The following CANX variants were observed in gnomAD, a reference collection of about 807,000 sequenced individuals.
CANX encodes calnexin, also known as epididymis secretory sperm binding protein.
A neutral mutation model predicts 75.7 loss-of-function variants in CANX; 14 were observed. The ratio of observed to expected loss-of-function variants is 0.19; its 90% CI spans 0.12 to 0.29. The LOEUF (loss-of-function observed/expected upper bound fraction) is 0.29. CANX is among the 10% of genes least tolerant of loss of function. The pLI, the probability that CANX is intolerant of heterozygous loss-of-function variation, is 1.00. For missense variants in CANX, 567 were observed against 713.2 expected (o/e 0.79, Z 2.34); for synonymous variants, 227 against 236.9 (o/e 0.96, Z 0.38).
intron 2 of CANX, among the ~76,000 whole-genome samples, 197 bp downstream of exon 2, chr5:179,706,049 G>A (rs984267231): frequency 2.2e-4 from 34 of 152,194 alleles, no homozygotes; most frequent in Middle Eastern, 3.4e-3. Flanking sequence ...AATTTGGAAC[G>A]TTTTCAAAGG....
At chr5:179,678,732 T>C (rs1303980021) in exon 1 of CANX, 2 of 1,537,026 alleles carry the variant, frequency 1.3e-6, no homozygotes, top group Non-Finnish European at 1.7e-6. Context: ...ATGCGCGCCA[T>C]GGTCTCAGTC....
At chr5:179,709,541 T>G (rs1459108352) in intron 6 of CANX, among the ~76,000 whole-genome samples, 1 of 152,254 alleles carries the variant, frequency 6.6e-6, no homozygotes, top group Non-Finnish European at 1.5e-5. Flanking sequence ...GAAGTGTAAA[T>G]TACAAAGTTG....
At chr5:179,694,740 G>A (rs1776360108), upstream of CANX, 3 of 666,116 alleles carry the variant, frequency 4.5e-6, no homozygotes, top group South Asian at 3.1e-5. Flanking sequence ...AGATGAAGAC[G>A]AGGAGGAGAT....
chr5:179,729,812 G>A lies in CANX; in HGVS notation c.*1168G>A, dbSNP rs1304717040. On this transcript the variant is annotated 3_prime_UTR_variant, in exon 15 of 15. Coordinates refer to ENST00000247461, the MANE Select transcript of CANX (RefSeq NM_001746.4). ...TCTAATTCACAGGCAAACCAATACA[G>A]AATTGACTGCAGTTGAACAGACTAG... The A allele has an allele frequency of 1.3e-5, 2 of 152,584 alleles. No individual in the cohort carries two copies. The highest frequency in any genetic ancestry group is 3.8e-4 in the East Asian group (2 of 5,196). The allele number at this position is 152,584 out of a possible 1,614,324, so 9.5% of individuals were successfully genotyped here. A position where few individuals can be genotyped will look rare whatever the true frequency, so the allele number is the denominator to read the frequency against.
chr5:179,702,200 C>T (rs907154176), intron 1 of CANX, among the ~76,000 whole-genome samples: 1 of 151,702 alleles, frequency 6.6e-6, no homozygotes, highest in African/African-American at 2.4e-5. Context: ...GATGACGCTA[C>T]ACTCAGCTAA....
chr5:179,723,081 G>C (rs1181125994), intron 11 of CANX, 62 bp downstream of exon 11: 2 of 1,449,676 alleles, frequency 1.4e-6, no homozygotes, highest in Non-Finnish European at 1.9e-6. Context: ...TTTTGTGAAA[G>C]TCTGTGTTAA....
intron 7 of CANX, among the ~76,000 whole-genome samples, chr5:179,714,002 CTTTT>C (rs1415388592): frequency 3.3e-5 from 5 of 151,786 alleles, no homozygotes; most frequent in Non-Finnish European, 7.4e-5. Flanking sequence ...TTGTTTTGTT[CTTTT>C]TGTTTTTTTG....
At chr5:179,681,128 C>T (rs984377011) in intron 1 of CANX, among the ~76,000 whole-genome samples, 1 of 152,132 alleles carries the variant, frequency 6.6e-6, no homozygotes, top group Admixed American at 6.6e-5. Flanking sequence ...GGGTGCTGAC[C>T]GCTGAGCTGT....
At chr5:179,712,422 CCTT>C (rs60818114) in intron 7 of CANX, among the ~76,000 whole-genome samples, 5,112 of 151,250 alleles carry the variant, frequency 0.034, 124 homozygotes, top group African/African-American at 0.042. Context: ...AATATAATAA[CCTT>C]TTTTTTTTTT....
At chr5:179,712,426 T>G (rs1777633310) in intron 7 of CANX, among the ~76,000 whole-genome samples, 1 of 141,634 alleles carries the variant, frequency 7.1e-6, no homozygotes. Flanking sequence ...TAATAACCTT[T>G]TTTTTTTTTG....
chr5:179,731,307 T>C lies in CANX; in HGVS notation c.*2663T>C, dbSNP rs993642959. Among the ~76,000 whole-genome samples the C allele has an allele frequency of 1.3e-5, 2 of 152,250 alleles. No individual in the cohort carries two copies. The highest frequency in any genetic ancestry group is 2.4e-5 in the African/African-American group (1 of 41,476). On this transcript the variant is annotated 3_prime_UTR_variant, in exon 15 of 15. Coordinates refer to ENST00000247461, the MANE Select transcript of CANX (RefSeq NM_001746.4). ...GAATCAGACTCCATTATTTTACATATACTTAAATACTTTAGGGGTATTTTT... is the reference window on the plus strand; with the variant it reads ...GAATCAGACTCCATTATTTTACATACACTTAAATACTTTAGGGGTATTTTT...
chr5:179,679,255 A>C (rs763511087), intron 1 of CANX: 4 of 1,524,828 alleles, frequency 2.6e-6, no homozygotes, highest in Non-Finnish European at 2.6e-6. Context: ...AAGGCGAGCC[A>C]GGGGGCGCTG....
chr5:179,679,958 C>CTTT lies in CANX; in HGVS notation c.-4+1205_-4+1207dup, dbSNP rs34916199. Among the ~76,000 whole-genome samples the CTTT allele has an allele frequency of 8.3e-4, 49 of 59,374 alleles. 3 individuals are homozygous for CTTT. The highest frequency in any genetic ancestry group is 1.6e-3 in the African/African-American group (25 of 15,770). The allele number at this position is 59,374 out of a possible 152,430, so 39.0% of individuals were successfully genotyped here. A position where few individuals can be genotyped will look rare whatever the true frequency, so the allele number is the denominator to read the frequency against. On this transcript the variant is annotated intron_variant, in intron 1 of 14. Coordinates refer to the CANX transcript ENST00000681674. ...ACAGGCATGAGTCACTGCGCCTGGC[C>CTTT]TTTTTTTTTTTTTTTTTTTTTTTTT...
At chr5:179,710,623 G>T (rs1284934681) in intron 7 of CANX, among the ~76,000 whole-genome samples, 1 of 143,532 alleles carries the variant, frequency 7.0e-6, no homozygotes, top group African/African-American at 2.6e-5. Context: ...CAGGAGAATG[G>T]CACGAACCCG....
chr5:179,681,944 TAAAAAAA>T (rs58981244), intron 1 of CANX, among the ~76,000 whole-genome samples: 1 of 125,364 alleles, frequency 8.0e-6, no homozygotes, highest in African/African-American at 3.1e-5. Flanking sequence ...ACCCTGTGTT[TAAAAAAA>T]AAAAAAAAAA....
At chr5:179,722,507 A>G (rs763036160) in intron 10 of CANX, among the ~76,000 whole-genome samples, 1 of 152,224 alleles carries the variant, frequency 6.6e-6, no homozygotes, top group Non-Finnish European at 1.5e-5. Flanking sequence ...TCCCACTCTC[A>G]TTAGCAGTTG....
At chr5:179,687,304 C>A (rs888163349) in intron 1 of CANX, among the ~76,000 whole-genome samples, 3 of 151,272 alleles carry the variant, frequency 2.0e-5, no homozygotes, top group African/African-American at 7.3e-5. Flanking sequence ...GGGGTTTCAC[C>A]GTGTTAGTCA....
chr5:179,696,680 C>G (rs756475633), upstream of CANX, among the ~76,000 whole-genome samples: 2 of 152,204 alleles, frequency 1.3e-5, no homozygotes, highest in Non-Finnish European at 2.9e-5. Flanking sequence ...GCCAAGCTTA[C>G]ATGTATGAGA....
chr5:179,688,296 G>A (rs142270740), intron 1 of CANX, among the ~76,000 whole-genome samples: 87 of 149,570 alleles, frequency 5.8e-4, no homozygotes, highest in African/African-American at 1.9e-3. Context: ...CTCAGGATCC[G>A]CCTGGCTTAG....
Sources: gnomAD v4.1 joint callset for allele counts (sites outside exome capture counted in the v4.1 genomes callset) on GRCh38, gnomAD v4.1.1 for gene constraint, MANE v1.5 for transcripts, NCBI Gene and HGNC (gene_info 2026-07-23, HGNC 2026-07-21) for gene names.